Variants in NRXN1 observed in about 807,000 individuals in gnomAD.
The protein encoded by NRXN1 is neurexin 1.
In NRXN1, 39 loss-of-function variants were observed where a neutral mutation model predicts 150.9. The ratio of observed to expected loss-of-function variants is 0.26; its 90% CI spans 0.20 to 0.34. NRXN1 has a LOEUF of 0.34. Among genes scored for constraint, NRXN1 ranks in the 10% least tolerant of loss-of-function variants. The pLI, the probability that NRXN1 is intolerant of heterozygous loss-of-function variation, is 1.00. For synonymous variants in NRXN1, 924 were observed against 757.0 expected, an observed-to-expected ratio of 1.22 and a Z score of -3.62; for missense variants, 1,815 against 1,949.9, an observed-to-expected ratio of 0.93 and a Z score of 1.30.
At chr2:50,295,943 T>C (rs2073509718) in intron 17 of NRXN1, among the ~76,000 whole-genome samples, 1 of 152,194 alleles carries the variant, frequency 6.6e-6, no homozygotes, top group Non-Finnish European at 1.5e-5. Context: ...GAATTCACCC[T>C]AAAGTTTTTT....
intron 17 of NRXN1, among the ~76,000 whole-genome samples, chr2:50,319,394 A>T (rs1356656300): frequency 1.3e-5 from 2 of 152,104 alleles, no homozygotes; most frequent in Non-Finnish European, 2.9e-5. Flanking sequence ...AAATATACTG[A>T]TCACAAGCTC....
intron 5 of NRXN1, among the ~76,000 whole-genome samples, chr2:50,774,570 T>C (rs1383588188): frequency 6.6e-6 from 1 of 152,182 alleles, no homozygotes; most frequent in Admixed American, 6.6e-5. Flanking sequence ...ATGTATGGTA[T>C]ACTTTATACA....
At chr2:50,906,179 T>A (rs1204077003) in intron 5 of NRXN1, among the ~76,000 whole-genome samples, 1 of 152,144 alleles carries the variant, frequency 6.6e-6, no homozygotes, top group Non-Finnish European at 1.5e-5. Flanking sequence ...AGTAGATTAA[T>A]ATCATATTTG....
intron 17 of NRXN1, among the ~76,000 whole-genome samples, chr2:50,271,810 C>T (rs1426858969): frequency 5.9e-5 from 9 of 151,896 alleles, no homozygotes; most frequent in Non-Finnish European, 4.4e-5. Flanking sequence ...TTTCCTTTTC[C>T]TTCATAAACA....
chr2:50,435,187 G>T (rs1261988221), intron 17 of NRXN1, among the ~76,000 whole-genome samples: 2 of 152,120 alleles, frequency 1.3e-5, no homozygotes, highest in East Asian at 3.8e-4. Context: ...AGAAGATTCT[G>T]CAGAAATGGG....
chr2:50,373,679 A>AAAGAAGGAAAGAAAG (rs1553513456), intron 17 of NRXN1, among the ~76,000 whole-genome samples: 18 of 65,670 alleles, frequency 2.7e-4, no homozygotes, highest in African/African-American at 9.6e-4. Context: ...AGAAAGAAAG[A>AAAGAAGGAAAGAAAG]AAAGAAAGAA....
chr2:50,020,648 G>A (rs577577475), intron 21 of NRXN1, among the ~76,000 whole-genome samples: 429 of 152,276 alleles, frequency 2.8e-3, no homozygotes, highest in Middle Eastern at 0.01. Flanking sequence ...CTCAGGAGCA[G>A]TTCTGACACA....
At chr2:50,647,846 A>G (rs1685046226) in intron 5 of NRXN1, among the ~76,000 whole-genome samples, 1 of 151,980 alleles carries the variant, frequency 6.6e-6, no homozygotes, top group African/African-American at 2.4e-5. Flanking sequence ...TAATGACAGA[A>G]GAAGAAAAAT....
intron 17 of NRXN1, among the ~76,000 whole-genome samples, chr2:50,302,788 T>C (rs73930338): frequency 1.3e-5 from 2 of 152,146 alleles, no homozygotes; most frequent in East Asian, 1.9e-4. Flanking sequence ...ATTTAGGGTA[T>C]CCCTACACTA....
At chr2:50,143,114 AGAAAGAAG>A (rs1317889330) in intron 18 of NRXN1, among the ~76,000 whole-genome samples, 14 of 151,880 alleles carry the variant, frequency 9.2e-5, no homozygotes, top group Non-Finnish European at 1.5e-5. Context: ...AATGGAAAAT[AGAAAGAAG>A]GAAAGAAGGA....
intron 17 of NRXN1, among the ~76,000 whole-genome samples, chr2:50,385,848 A>C (rs1302379889): frequency 1.3e-5 from 2 of 152,168 alleles, no homozygotes; most frequent in Non-Finnish European, 2.9e-5. Context: ...ACCTTAAGGT[A>C]AGTAAAGTTC....
At chr2:50,851,747 A>C (rs908920893) in intron 5 of NRXN1, among the ~76,000 whole-genome samples, 1 of 152,180 alleles carries the variant, frequency 6.6e-6, no homozygotes, top group African/African-American at 2.4e-5. Context: ...AGGGAGAAAA[A>C]AAAATAGAAC....
At chr2:50,646,955 G>C (rs1315096153) in intron 5 of NRXN1, among the ~76,000 whole-genome samples, 3 of 151,708 alleles carry the variant, frequency 2.0e-5, no homozygotes, top group African/African-American at 4.8e-5. Context: ...TTTTCCTACA[G>C]AGAATATTTC....
At chr2:50,237,904 C>A (rs2152881025) in intron 17 of NRXN1, among the ~76,000 whole-genome samples, 1 of 152,014 alleles carries the variant, frequency 6.6e-6, no homozygotes, top group African/African-American at 2.4e-5. Context: ...CCATGCTGTT[C>A]TCATGATAGT....
chr2:50,925,791 T>C, intron 3 of NRXN1, 147 bp downstream of exon 3: 2 of 659,594 alleles, frequency 3.0e-6, no homozygotes. Flanking sequence ...AATGTATGTG[T>C]TCTGTATGAA....
chr2:50,687,264 C>T (rs895812101), intron 5 of NRXN1, among the ~76,000 whole-genome samples: 1 of 152,152 alleles, frequency 6.6e-6, no homozygotes, highest in Non-Finnish European at 1.5e-5. Context: ...GTACCTGAAG[C>T]TTATGCCCAT....
At chr2:50,992,517 T>C (rs1575151324) in intron 2 of NRXN1, among the ~76,000 whole-genome samples, 1 of 151,778 alleles carries the variant, frequency 6.6e-6, no homozygotes, top group African/African-American at 2.4e-5. Context: ...TTAGTGCTTA[T>C]AAAAAGCACA....
chr2:50,780,100 G>C (rs1228224073), intron 5 of NRXN1, among the ~76,000 whole-genome samples: 2 of 152,078 alleles, frequency 1.3e-5, no homozygotes, highest in African/African-American at 4.8e-5. Context: ...GTTTTGATTT[G>C]TATTTCTCTA....
chr2:50,981,864 G>A (rs935999056), intron 2 of NRXN1, among the ~76,000 whole-genome samples: 2 of 150,626 alleles, frequency 1.3e-5, no homozygotes, highest in South Asian at 2.1e-4. Flanking sequence ...TGTGTGTGTG[G>A]TGTGTAATCT....
Sources: allele counts gnomAD v4.1 joint callset (sites outside exome capture counted in the v4.1 genomes callset), GRCh38; gene constraint gnomAD v4.1.1; transcripts MANE v1.5; gene names NCBI Gene and HGNC (gene_info 2026-07-23, HGNC 2026-07-21).